The following C6 variants were observed in gnomAD, a reference collection of about 807,000 sequenced individuals.
C6 encodes the protein complement component C6.
In C6, 101 loss-of-function variants were observed where a neutral mutation model predicts 112.9. The observed-to-expected ratio is 0.89, with a 90% CI of 0.76 to 1.06. The LOEUF (loss-of-function observed/expected upper bound fraction) is 1.06. C6 is among the 50% of genes least tolerant of loss of function. The pLI is 0.00. For synonymous variants in C6, 431 were observed against 384.1 expected (o/e 1.12, Z -1.43); for missense variants, 1,202 against 1,104.6 (o/e 1.09, Z -1.25).
intron 1 of C6, among the ~76,000 whole-genome samples, chr5:41,225,224 C>A (rs1486597494): frequency 6.6e-6 from 1 of 152,076 alleles, no homozygotes; most frequent in Non-Finnish European, 1.5e-5. Flanking sequence ...TCTCCCCCAA[C>A]CCCACAACAG....
At position 41,172,359 on chromosome 5, in the gene C6, A is replaced by G. The variant is rs777575194; in HGVS notation, c.1169-12T>C. On this transcript the variant is annotated splice_polypyrimidine_tract_variant and intron_variant, in intron 8 of 17. Transcript: ENST00000337836. ...TTCCTCGGTTAAACCTAGGAGATGAAGTACAAACAGAAACCACTGAGAATG... is the reference window on the plus strand; with the variant it reads ...TTCCTCGGTTAAACCTAGGAGATGAGGTACAAACAGAAACCACTGAGAATG... The G allele has an allele frequency of 6.2e-6, 10 of 1,613,090 alleles. No individual in the cohort carries two copies. Among genetic ancestry groups the G allele is most frequent in the Non-Finnish European group, 8.5e-6 (10 of 1,179,442 alleles).
At chr5:41,212,056 A>C (rs1186490598) in intron 1 of C6, among the ~76,000 whole-genome samples, 1 of 152,218 alleles carries the variant, frequency 6.6e-6, no homozygotes, top group African/African-American at 2.4e-5. Flanking sequence ...GGTAACATTA[A>C]AACTTATTTG....
At chr5:41,185,993 A>T in intron 6 of C6, 77 bp downstream of exon 6, 1 of 1,547,368 alleles carries the variant, frequency 6.5e-7, no homozygotes, top group Non-Finnish European at 8.9e-7. Flanking sequence ...CCCTTCATTC[A>T]TCACTAATTT....
chr5:41,241,475 T>A (rs939077723), intron 1 of C6, among the ~76,000 whole-genome samples: 16 of 152,166 alleles, frequency 1.1e-4, no homozygotes, highest in Non-Finnish European at 8.8e-5. Context: ...TACATTGAAC[T>A]GTGATTCCCT....
chr5:41,226,625 G>A (rs777923778), intron 1 of C6, among the ~76,000 whole-genome samples: 9 of 151,922 alleles, frequency 5.9e-5, no homozygotes, highest in East Asian at 1.9e-4. Context: ...TCCCTCCTGC[G>A]GCCCCTGCTA....
chr5:41,154,040 A>G, intron 14 of C6, 42 bp from the exon 15 acceptor site: 3 of 1,584,214 alleles, frequency 1.9e-6, no homozygotes, highest in Non-Finnish European at 2.6e-6. Flanking sequence ...GTGGAGCAGA[A>G]TAAACAAAAA....
chr5:41,195,974 C>A (rs769079650), intron 4 of C6, 41 bp from the exon 5 acceptor site: 7 of 1,609,590 alleles, frequency 4.3e-6, no homozygotes, highest in Non-Finnish European at 5.9e-6. Flanking sequence ...AACAAATTAT[C>A]ATTTTAGAAA....
chr5:41,165,533 GTT>G, intron 9 of C6, among the ~76,000 whole-genome samples: 1 of 152,018 alleles, frequency 6.6e-6, no homozygotes, highest in Middle Eastern at 3.4e-3. Flanking sequence ...ATATTTTCAT[GTT>G]TATTGCTTTT....
chr5:41,201,526 C>T lies in C6; in HGVS notation c.300+32G>A, dbSNP rs77471619. ...GGAATCAGAGCCCTCTATTGTGATTCATATTTCCTGGAAATGCCCATGGTT... is the reference window on the plus strand; with the variant it reads ...GGAATCAGAGCCCTCTATTGTGATTTATATTTCCTGGAAATGCCCATGGTT... On this transcript the variant is annotated intron_variant, in intron 3 of 17. Coordinates refer to ENST00000337836, the MANE Select transcript of C6 (RefSeq NM_000065.5). 1.7e-3 allele frequency: 2,711 copies of T among 1,606,148 alleles called. 87 individuals are homozygous for T. The East Asian group carries it at 0.057, about 34-fold the overall frequency.
upstream of C6, among the ~76,000 whole-genome samples, chr5:41,216,705 A>G (rs980864413): frequency 6.6e-6 from 1 of 152,034 alleles, no homozygotes; most frequent in Non-Finnish European, 1.5e-5. Context: ...CATCATGTCT[A>G]TGGCTACAGT....
At chr5:41,229,132 A>T (rs567855884) in intron 1 of C6, among the ~76,000 whole-genome samples, 1 of 151,684 alleles carries the variant, frequency 6.6e-6, no homozygotes, top group African/African-American at 2.4e-5. Flanking sequence ...AAGAAAATCA[A>T]CTCTTAATTT....
chr5:41,154,395 T>A (rs1746702055), intron 14 of C6, among the ~76,000 whole-genome samples: 1 of 151,720 alleles, frequency 6.6e-6, no homozygotes. Flanking sequence ...CAACTCTGCT[T>A]CATGGTCTCC....
chr5:41,178,389 A>G (rs1038886905), intron 7 of C6, among the ~76,000 whole-genome samples: 14 of 151,506 alleles, frequency 9.2e-5, no homozygotes, highest in African/African-American at 3.4e-4. Flanking sequence ...TTGATTTTCA[A>G]TTTTGTGGTA....
At position 41,235,204 on chromosome 5, in the gene C6, C is replaced by G. The variant is rs1239186190; in HGVS notation, c.-21+25990G>C. Among the ~76,000 whole-genome samples, 376 of 140,628 alleles carry G rather than the reference C, an allele frequency of 2.7e-3. 2 individuals carry two copies. Among genetic ancestry groups the G allele is most frequent in the African/African-American group, 9.4e-3 (355 of 37,646 alleles). The allele number at this position is 140,628 out of a possible 152,430, so 92.3% of individuals were successfully genotyped here. A position where few individuals can be genotyped will look rare whatever the true frequency, so the allele number is the denominator to read the frequency against. On this transcript the variant is annotated intron_variant, in intron 1 of 17. Coordinates refer to the C6 transcript ENST00000263413. The stretch of plus-strand genomic sequence containing the variant: ...ACGTGTCATCTAGCATTAGGTATAT[C>G]TCCCAATGCTATCCCTCCCCCCTCC...
At chr5:41,143,645 G>A (rs949022407) in intron 17 of C6, among the ~76,000 whole-genome samples, 4 of 152,138 alleles carry the variant, frequency 2.6e-5, no homozygotes, top group African/African-American at 9.7e-5. Context: ...AAGAATGTAA[G>A]CCCTTTGCGC....
intron 5 of C6, among the ~76,000 whole-genome samples, chr5:41,188,547 T>A (rs1395960739): frequency 6.6e-6 from 1 of 152,056 alleles, no homozygotes; most frequent in African/African-American, 2.4e-5. Context: ...TGAATGGTGC[T>A]GTAATGACCT....
intron 13 of C6, among the ~76,000 whole-genome samples, chr5:41,157,343 A>G (rs1747012597): frequency 6.6e-6 from 1 of 152,212 alleles, no homozygotes; most frequent in African/African-American, 2.4e-5. Context: ...CAGAACAAAT[A>G]GATTAAAAGT....
intron 5 of C6, among the ~76,000 whole-genome samples, chr5:41,194,686 A>G (rs1750468855): frequency 6.6e-6 from 1 of 152,044 alleles, no homozygotes; most frequent in South Asian, 2.1e-4. Flanking sequence ...TTTCTTTATT[A>G]TGTAAAGGGG....
intron 9 of C6, among the ~76,000 whole-genome samples, chr5:41,171,666 C>A (rs1275638415): frequency 6.6e-6 from 1 of 152,140 alleles, no homozygotes; most frequent in Non-Finnish European, 1.5e-5. Flanking sequence ...GATCATTCTG[C>A]AAAACATAAC....
Sources: allele counts gnomAD v4.1 joint callset (sites outside exome capture counted in the v4.1 genomes callset), GRCh38; gene constraint gnomAD v4.1.1; transcripts MANE v1.5; gene names NCBI Gene and HGNC (gene_info 2026-07-23, HGNC 2026-07-21).